Variants in DDHD1 observed in about 807,000 individuals in gnomAD.
DDHD1 encodes phospholipase DDHD1.
A neutral mutation model predicts 96.4 loss-of-function variants in DDHD1; 49 were observed. The ratio of observed to expected loss-of-function variants is 0.51; its 90% CI spans 0.40 to 0.64. The LOEUF is 0.64. Ranked by LOEUF, DDHD1 falls within the 30% of genes least tolerant of loss-of-function variation. DDHD1 has a pLI of 0.00. For missense variants in DDHD1, 1,106 were observed against 1,161.2 expected (o/e 0.95, Z 0.69); for synonymous variants, 442 against 446.5 (o/e 0.99, Z 0.13).
At chr14:53,110,773 C>T (rs758583455) in intron 1 of DDHD1, among the ~76,000 whole-genome samples, 1 of 151,972 alleles carries the variant, frequency 6.6e-6, no homozygotes, top group Non-Finnish European at 1.5e-5. Flanking sequence ...GTCACGAGTT[C>T]GAGACTAGCC....
intron 1 of DDHD1, among the ~76,000 whole-genome samples, chr14:53,151,853 C>G (rs1182015903): frequency 6.6e-6 from 1 of 152,198 alleles, no homozygotes; most frequent in Non-Finnish European, 1.5e-5. Context: ...CCTCTCAAAC[C>G]TTCCTACTCC....
chr14:53,077,854 A>G (rs1267199989), intron 4 of DDHD1, among the ~76,000 whole-genome samples: 6 of 152,028 alleles, frequency 3.9e-5, no homozygotes, highest in African/African-American at 1.2e-4. Flanking sequence ...AGATTTGTCT[A>G]TTTTGAACAT....
In DDHD1 at chr14:53,081,137, C is replaced by G. The variant is rs1201297909; in HGVS notation, c.1290-7290G>C. 2.0e-5 allele frequency among the ~76,000 whole-genome samples: 3 copies of G among 152,254 alleles called. No individual in the cohort carries two copies. The East Asian group carries it at 5.8e-4, about 29-fold the overall frequency. ...ACTTTGCCAAAATAAAGATGTGCTT[C>G]CCTTATCATCACTGAAAATAAAATG... On this transcript the variant is annotated intron_variant, in intron 4 of 12. Transcript: ENST00000673822.
chr14:53,104,490 C>T (rs1338307568), intron 1 of DDHD1, among the ~76,000 whole-genome samples: 1 of 152,090 alleles, frequency 6.6e-6, no homozygotes, highest in Non-Finnish European at 1.5e-5. Flanking sequence ...AAAATCCAGA[C>T]TAGTGTTTAG....
chr14:53,079,207 C>T (rs191743027), intron 4 of DDHD1, among the ~76,000 whole-genome samples: 4 of 152,188 alleles, frequency 2.6e-5, no homozygotes, highest in Non-Finnish European at 5.9e-5. Flanking sequence ...CGGGGTAATA[C>T]TGGCTTCATA....
intron 7 of DDHD1, 149 bp downstream of exon 7, chr14:53,062,794 C>G (rs1883700798): frequency 8.0e-6 from 6 of 746,098 alleles, no homozygotes; most frequent in Non-Finnish European, 1.2e-5. Flanking sequence ...AATCAACAGT[C>G]TCCAGCTTGA....
intron 1 of DDHD1, among the ~76,000 whole-genome samples, chr14:53,151,247 T>C (rs1212100452): frequency 2.0e-5 from 3 of 152,192 alleles, no homozygotes; most frequent in Non-Finnish European, 4.4e-5. Flanking sequence ...GTATGGAGGA[T>C]CTAAAGGTTG....
chr14:53,124,573 T>A (rs1026430535), intron 1 of DDHD1, among the ~76,000 whole-genome samples: 1 of 152,172 alleles, frequency 6.6e-6, no homozygotes, highest in East Asian at 1.9e-4. Context: ...TACTAAATAA[T>A]GCTTCAACAA....
At chr14:53,129,806 C>T (rs547668920) in intron 1 of DDHD1, among the ~76,000 whole-genome samples, 2 of 152,178 alleles carry the variant, frequency 1.3e-5, no homozygotes, top group Non-Finnish European at 2.9e-5. Flanking sequence ...CACTGCTTGG[C>T]CCCAAAACAA....
intron 1 of DDHD1, among the ~76,000 whole-genome samples, chr14:53,117,865 G>A (rs1248181132): frequency 1.3e-5 from 2 of 152,164 alleles, no homozygotes; most frequent in Non-Finnish European, 2.9e-5. Flanking sequence ...GCGGGTCCCT[G>A]ACCCCTGTGT....
chr14:53,152,039 C>G (rs951204492), intron 1 of DDHD1, among the ~76,000 whole-genome samples: 2 of 152,210 alleles, frequency 1.3e-5, no homozygotes, highest in African/African-American at 4.8e-5. Context: ...GCGCTACCCC[C>G]GAAGGTATCC....
At chr14:53,083,790 T>C (rs1053440837) in intron 4 of DDHD1, among the ~76,000 whole-genome samples, 21 of 152,246 alleles carry the variant, frequency 1.4e-4, no homozygotes, top group African/African-American at 5.1e-4. Context: ...CTCTCTTTTA[T>C]TATGCAGAAT....
intron 3 of DDHD1, chr14:53,093,041 C>T (rs1441207786): frequency 5.0e-6 from 1 of 201,098 alleles, no homozygotes; most frequent in Admixed American, 6.1e-5. Context: ...TATATTTCAA[C>T]TGCCACATTT....
At chr14:53,140,865 G>T (rs1483871729) in intron 1 of DDHD1, among the ~76,000 whole-genome samples, 1 of 152,128 alleles carries the variant, frequency 6.6e-6, no homozygotes, top group Non-Finnish European at 1.5e-5. Flanking sequence ...AAAGTAAAAG[G>T]ACAGGAAAAG....
intron 1 of DDHD1, among the ~76,000 whole-genome samples, chr14:53,136,551 C>G (rs1055396234): frequency 6.6e-6 from 1 of 152,074 alleles, no homozygotes; most frequent in Non-Finnish European, 1.5e-5. Context: ...CTGGCTTATG[C>G]ACATAAAGGA....
At chr14:53,086,677 G>C (rs1482097087) in intron 4 of DDHD1, among the ~76,000 whole-genome samples, 1 of 152,088 alleles carries the variant, frequency 6.6e-6, no homozygotes, top group African/African-American at 2.4e-5. Context: ...GGAACAACTG[G>C]TACCAGCCAC....
intron 2 of DDHD1, among the ~76,000 whole-genome samples, chr14:53,095,757 C>T (rs1267448615): frequency 6.6e-6 from 1 of 152,166 alleles, no homozygotes; most frequent in Non-Finnish European, 1.5e-5. Flanking sequence ...CTACTTCAAG[C>T]TCTTATATGT....
intron 8 of DDHD1, among the ~76,000 whole-genome samples, chr14:53,059,603 C>T (rs561319103): frequency 8.0e-5 from 12 of 150,024 alleles, no homozygotes; most frequent in Middle Eastern, 3.4e-3. Context: ...CGGTGGCCCA[C>T]GCCTGTAATC....
rs141893821 is a variant in DDHD1, at chr14:53,086,802, T to C, written c.1289+4983A>G. Among the ~76,000 whole-genome samples, 41 of 151,946 alleles carry C rather than the reference T, an allele frequency of 2.7e-4. 1 individual carries two copies. The highest frequency in any genetic ancestry group is 9.7e-4 in the African/African-American group (40 of 41,408). On this transcript the variant is annotated intron_variant, in intron 4 of 12. Coordinates refer to ENST00000673822, the MANE Select transcript of DDHD1 (RefSeq NM_001160148.2). ...ACAGGATCAAATTCACACATAACAA[T>C]ATTAACCTTAACTGTAAATGGGCTA...
Sources: gnomAD v4.1 joint callset for allele counts (sites outside exome capture counted in the v4.1 genomes callset) on GRCh38, gnomAD v4.1.1 for gene constraint, MANE v1.5 for transcripts, NCBI Gene and HGNC (gene_info 2026-07-23, HGNC 2026-07-21) for gene names.